Variants in GLI2 observed in about 807,000 individuals in gnomAD.
GLI2 encodes transcription activator GLI2.
A neutral mutation model predicts 78.9 loss-of-function variants in GLI2; 22 were observed. The observed-to-expected ratio is 0.28, with a 90% CI of 0.20 to 0.40. GLI2 has a LOEUF of 0.40. Ranked by LOEUF, GLI2 falls within the 10% of genes least tolerant of loss-of-function variation. The pLI is 1.00. For synonymous variants in GLI2, 974 were observed against 963.7 expected, an observed-to-expected ratio of 1.01 and a Z score of -0.20; for missense variants, 2,097 against 2,213.2, an observed-to-expected ratio of 0.95 and a Z score of 1.05.
At chr2:120,748,853 CTCCATCCATCCA>C (rs71671803) in intron 1 of GLI2, among the ~76,000 whole-genome samples, 41 of 150,606 alleles carry the variant, frequency 2.7e-4, no homozygotes, top group South Asian at 4.3e-4. Context: ...ATCTTGCATT[CTCCATCCATCCA>C]TCCATCCATC....
Position 120,951,246 on chromosome 2 carries a change from C to A in GLI2, c.258C>A (p.Pro86=). ...EPHSVHGVHG[P]PALSGSPVIS... The stretch of plus-strand genomic sequence containing the variant: ...CGGCTGCCCATTGTCTCTGCAGGCC[C>A]CCTGCCCTCAGCGGCAGCCCTGTCA... Residue 86 remains proline, a synonymous_variant, in exon 4 of 14, where the codon CCC becomes CCA. Transcript: ENST00000361492. 1 of 1,597,104 alleles carries A rather than the reference C, an allele frequency of 6.3e-7. No homozygotes were observed. Among genetic ancestry groups the A allele is most frequent in the Non-Finnish European group, 8.6e-7 (1 of 1,164,640 alleles).
chr2:120,837,739 A>G (rs1172231607), intron 2 of GLI2, among the ~76,000 whole-genome samples: 1 of 152,236 alleles, frequency 6.6e-6, no homozygotes, highest in Non-Finnish European at 1.5e-5. Context: ...CTCAGTAGCA[A>G]TTATTCTATT....
At chr2:120,743,586 G>A (rs1237821764) in intron 1 of GLI2, among the ~76,000 whole-genome samples, 2 of 152,178 alleles carry the variant, frequency 1.3e-5, no homozygotes, top group African/African-American at 2.4e-5. Flanking sequence ...CATCCTTCCC[G>A]GCTGTTTCCC....
intron 3 of GLI2, among the ~76,000 whole-genome samples, chr2:120,932,545 G>A (rs1055336658): frequency 2.6e-5 from 4 of 152,128 alleles, no homozygotes; most frequent in Admixed American, 6.5e-5. Context: ...CAGGCTACCC[G>A]CACTGGGACC....
At chr2:120,787,713 C>T (rs1040522398) in intron 1 of GLI2, among the ~76,000 whole-genome samples, 1 of 152,226 alleles carries the variant, frequency 6.6e-6, no homozygotes, top group African/African-American at 2.4e-5. Flanking sequence ...GCCCCTTGTT[C>T]CCCTTGCAGA....
chr2:120,984,978 T>G (rs570502557), intron 12 of GLI2, among the ~76,000 whole-genome samples: 2 of 152,320 alleles, frequency 1.3e-5, no homozygotes, highest in South Asian at 4.1e-4. Context: ...GGCAGCACGC[T>G]GGGTGACAGG....
At chr2:120,767,890 T>C (rs1035087212) in intron 1 of GLI2, among the ~76,000 whole-genome samples, 6 of 152,140 alleles carry the variant, frequency 3.9e-5, no homozygotes, top group Non-Finnish European at 8.8e-5. Context: ...GGGAGGGAGA[T>C]AAATCTAGGA....
At chr2:120,830,204 C>T (rs1686290338) in intron 2 of GLI2, among the ~76,000 whole-genome samples, 1 of 152,176 alleles carries the variant, frequency 6.6e-6, no homozygotes, top group Non-Finnish European at 1.5e-5. Context: ...GCTCCTGGTG[C>T]AGCCACCTGC....
At chr2:120,984,788 C>T in intron 12 of GLI2, 45 bp downstream of exon 12, 1 of 1,601,976 alleles carries the variant, frequency 6.2e-7, no homozygotes, top group Non-Finnish European at 8.5e-7. Context: ...GACTCCATAG[C>T]CGTGCCCAGG....
chr2:120,792,428 C>G (rs1348140036), intron 1 of GLI2: 2 of 152,234 alleles, frequency 1.3e-5, no homozygotes, highest in Admixed American at 1.3e-4. Context: ...ACCGACACAT[C>G]AAAGAGCAAG....
chr2:120,871,730 C>G (rs1017764306), intron 2 of GLI2, among the ~76,000 whole-genome samples: 3 of 152,226 alleles, frequency 2.0e-5, no homozygotes, highest in Admixed American at 2.0e-4. Flanking sequence ...GGCTTTCTCC[C>G]TGGGGTAGCA....
chr2:120,920,012 C>T (rs564216275), intron 2 of GLI2, among the ~76,000 whole-genome samples: 2 of 152,382 alleles, frequency 1.3e-5, no homozygotes, highest in South Asian at 2.1e-4. Flanking sequence ...TGGGGCAACT[C>T]GATTTCTCTC....
intron 2 of GLI2, among the ~76,000 whole-genome samples, chr2:120,818,225 C>G (rs187343035): frequency 1.4e-3 from 207 of 152,334 alleles, no homozygotes; most frequent in African/African-American, 4.7e-3. Flanking sequence ...TCCAAGCCTG[C>G]AGGGCAGGGG....
At chr2:120,871,143 G>A (rs1378093170) in intron 2 of GLI2, among the ~76,000 whole-genome samples, 2 of 152,236 alleles carry the variant, frequency 1.3e-5, no homozygotes, top group Non-Finnish European at 2.9e-5. Context: ...GCCAGAGCCT[G>A]GGCTTTAACA....
chr2:120,756,643 A>C (rs1683041320), intron 1 of GLI2, among the ~76,000 whole-genome samples: 2 of 152,206 alleles, frequency 1.3e-5, no homozygotes, highest in African/African-American at 2.4e-5. Flanking sequence ...CTGTTAAAAC[A>C]GTTCTTTAAA....
intron 2 of GLI2, among the ~76,000 whole-genome samples, chr2:120,816,762 AT>A (rs1240246198): frequency 6.6e-6 from 1 of 152,156 alleles, no homozygotes; most frequent in Non-Finnish European, 1.5e-5. Context: ...CTGTTGCACT[AT>A]GTTGTTTTGG....
chr2:120,989,558 G>T lies in GLI2; in HGVS notation c.3593G>T (p.Gly1198Val), dbSNP rs375495972. ...CCCCGCAGCGGAGCCCCCTCCCAGG[G>T]CATCCCCAGGGTAAACTACATGCAG... is the stretch of plus-strand genomic sequence containing the variant. The part of the protein sequence containing the change: ...LQPRSGAPSQ[G>V]IPRVNYMQQL... Residue 1198 changes from glycine (G) to valine (V), a missense_variant, in exon 14 of 14, where the codon GGC becomes GTC. Gly to Val is a moderately radical substitution (Grantham distance 109). Coordinates refer to ENST00000361492, the MANE Select transcript of GLI2 (RefSeq NM_001374353.1). The T allele has an allele frequency of 1.2e-6, 2 of 1,612,956 alleles. No homozygotes were observed. The highest frequency in any genetic ancestry group is 2.2e-5 in the South Asian group (2 of 91,050).
chr2:120,934,031 C>T (rs1286433946), intron 3 of GLI2, among the ~76,000 whole-genome samples: 2 of 152,196 alleles, frequency 1.3e-5, no homozygotes, highest in African/African-American at 2.4e-5. Flanking sequence ...CAGGCCCTGG[C>T]CCCAGGAGTT....
intron 1 of GLI2, among the ~76,000 whole-genome samples, chr2:120,774,850 C>T (rs553618924): frequency 6.6e-6 from 1 of 152,302 alleles, no homozygotes; most frequent in South Asian, 2.1e-4. Context: ...CCTTTGCTTC[C>T]TCTGAGGGGT....
Sources: allele counts gnomAD v4.1 joint callset (sites outside exome capture counted in the v4.1 genomes callset), GRCh38; gene constraint gnomAD v4.1.1; transcripts MANE v1.5; gene names NCBI Gene and HGNC (gene_info 2026-07-23, HGNC 2026-07-21).